FUT8: variants seen among roughly 807,000 people sequenced by gnomAD.
FUT8 encodes the protein fucosyltransferase 8, also known as alpha-(1,6)-fucosyltransferase.
In FUT8, 29 loss-of-function variants were observed where a neutral mutation model predicts 71.3. The observed-to-expected ratio is 0.41, with a 90% CI of 0.30 to 0.55. FUT8 has a LOEUF of 0.55. FUT8 is among the 20% of genes least tolerant of loss of function. The probability of loss-of-function intolerance (pLI) is 0.34; values close to 1 mark genes in which losing one functional copy is unlikely to be tolerated. For missense variants in FUT8, 544 were observed against 702.1 expected (o/e 0.77, Z 2.55); for synonymous variants, 254 against 239.3 (o/e 1.06, Z -0.57).
intron 2 of FUT8, among the ~76,000 whole-genome samples, chr14:65,495,773 A>T (rs1483016994): frequency 1.3e-5 from 2 of 152,142 alleles, no homozygotes; most frequent in Non-Finnish European, 2.9e-5. Flanking sequence ...GCTATGACTA[A>T]TTGTGTTATA....
At chr14:65,685,300 T>G (rs187664738) in intron 7 of FUT8, among the ~76,000 whole-genome samples, 1 of 152,236 alleles carries the variant, frequency 6.6e-6, no homozygotes, top group Admixed American at 6.5e-5. Context: ...AGAATTTGCT[T>G]TCTCTCAGTG....
chr14:65,562,298 A>G (rs1439756569), intron 3 of FUT8, among the ~76,000 whole-genome samples: 4 of 152,190 alleles, frequency 2.6e-5, no homozygotes, highest in African/African-American at 4.8e-5. Context: ...AAAATTTTAT[A>G]TGAACTGTAA....
At chr14:65,713,332 G>A (rs957742083) in intron 7 of FUT8, among the ~76,000 whole-genome samples, 5 of 152,078 alleles carry the variant, frequency 3.3e-5, no homozygotes, top group Non-Finnish European at 7.4e-5. Flanking sequence ...TTCAAATCTT[G>A]GCTATTGTGA....
upstream of FUT8, chr14:65,411,950 C>A (rs1007949469): frequency 2.5e-5 from 11 of 448,710 alleles, no homozygotes; most frequent in Non-Finnish European, 4.5e-5. Context: ...CTTCGGTCCA[C>A]TGCTCTGCAT....
At chr14:65,556,998 C>T (rs1480172942) in intron 2 of FUT8, among the ~76,000 whole-genome samples, 2 of 152,164 alleles carry the variant, frequency 1.3e-5, no homozygotes, top group African/African-American at 4.8e-5. Context: ...CTTTTAATTT[C>T]TATGTCTTGT....
intron 5 of FUT8, among the ~76,000 whole-genome samples, chr14:65,623,146 T>C (rs752607380): frequency 6.6e-6 from 1 of 152,090 alleles, no homozygotes; most frequent in Admixed American, 6.5e-5. Flanking sequence ...CTGCCTTAGC[T>C]TCCCAAAATG....
chr14:65,499,731 T>C (rs994405791), intron 2 of FUT8, among the ~76,000 whole-genome samples: 10 of 151,646 alleles, frequency 6.6e-5, no homozygotes, highest in Non-Finnish European at 2.9e-5. Flanking sequence ...GAGGATTGCT[T>C]GAGTCCATCG....
chr14:65,549,965 GCAGGAGAATCGCTTGAACC>G (rs1473404474), intron 2 of FUT8, among the ~76,000 whole-genome samples: 4 of 152,210 alleles, frequency 2.6e-5, no homozygotes, highest in Admixed American at 2.6e-4. Flanking sequence ...GGAGGCTGAG[GCAGGAGAATCGCTTGAACC>G]CAGGAGTTGG....
chr14:65,617,768 AC>A (rs1486603792), intron 5 of FUT8, among the ~76,000 whole-genome samples: 1 of 151,622 alleles, frequency 6.6e-6, no homozygotes, highest in Non-Finnish European at 1.5e-5. Flanking sequence ...ACATGGTGAA[AC>A]CCCGTCTCTA....
In FUT8 at chr14:65,667,076, A is replaced by G. The variant is rs1005877490; in HGVS notation, c.598-2167A>G. 2.0e-5 allele frequency among the ~76,000 whole-genome samples: 3 copies of G among 152,182 alleles called. No individual in the cohort carries two copies. The South Asian group carries it at 6.2e-4, about 32-fold the overall frequency. On this transcript the variant is annotated intron_variant, in intron 6 of 10. Transcript: ENST00000673929. Reference sequence around the variant, plus strand: ...CAGACAACATCATACTGAGTGGACAAAAGCTGGAAGCCTTCCCCTTGAGAA... The same window carrying G: ...CAGACAACATCATACTGAGTGGACAGAAGCTGGAAGCCTTCCCCTTGAGAA...
At chr14:65,712,737 G>A (rs1291862631) in intron 7 of FUT8, among the ~76,000 whole-genome samples, 6 of 152,084 alleles carry the variant, frequency 3.9e-5, no homozygotes, top group Non-Finnish European at 7.4e-5. Context: ...GAGTCACTGC[G>A]CCTGGTGAAA....
chr14:65,631,612 C>G (rs1890182582), intron 6 of FUT8, among the ~76,000 whole-genome samples: 1 of 148,438 alleles, frequency 6.7e-6, no homozygotes, highest in South Asian at 2.2e-4. Context: ...CATGCTTTTC[C>G]TTTTTCCCCC....
At chr14:65,728,512 C>A (rs1895799938) in intron 9 of FUT8, among the ~76,000 whole-genome samples, 1 of 152,150 alleles carries the variant, frequency 6.6e-6, no homozygotes, top group Admixed American at 6.5e-5. Flanking sequence ...CCCAGCCAAA[C>A]CATATCATTA....
intron 3 of FUT8, among the ~76,000 whole-genome samples, chr14:65,568,459 A>G (rs1002707496): frequency 1.3e-5 from 2 of 151,298 alleles, no homozygotes; most frequent in African/African-American, 2.4e-5. Flanking sequence ...GTTGTATTCC[A>G]TAAGTTTTGA....
intron 2 of FUT8, among the ~76,000 whole-genome samples, chr14:65,539,445 A>G (rs1021765321): frequency 6.6e-6 from 1 of 152,188 alleles, no homozygotes; most frequent in African/African-American, 2.4e-5. Flanking sequence ...TTTGTGTTTT[A>G]CCTGATATTA....
At chr14:65,653,220 A>G (rs749126174) in intron 6 of FUT8, among the ~76,000 whole-genome samples, 1 of 152,162 alleles carries the variant, frequency 6.6e-6, no homozygotes, top group Non-Finnish European at 1.5e-5. Context: ...AAATATTGCC[A>G]GGGCTATTTA....
chr14:65,729,526 CTTT>C (rs67348217), intron 9 of FUT8, among the ~76,000 whole-genome samples: 2 of 142,168 alleles, frequency 1.4e-5, no homozygotes, highest in East Asian at 2.1e-4. Flanking sequence ...AGGATATAAA[CTTT>C]TTTTTTTTTT....
At chr14:65,503,017 G>C (rs1594707943) in intron 2 of FUT8, among the ~76,000 whole-genome samples, 1 of 152,334 alleles carries the variant, frequency 6.6e-6, no homozygotes, top group East Asian at 1.9e-4. Flanking sequence ...TTGGATGGTT[G>C]AGTGGTGAGT....
chr14:65,527,425 A>G (rs1173233872), intron 2 of FUT8, among the ~76,000 whole-genome samples: 4 of 152,096 alleles, frequency 2.6e-5, no homozygotes, highest in Admixed American at 2.6e-4. Flanking sequence ...CAGGTCATTT[A>G]AGGACTTCTC....
Sources: allele counts gnomAD v4.1 joint callset (sites outside exome capture counted in the v4.1 genomes callset), GRCh38; gene constraint gnomAD v4.1.1; transcripts MANE v1.5; gene names NCBI Gene and HGNC (gene_info 2026-07-23, HGNC 2026-07-21).